Variants in KAZN observed in about 807,000 individuals in gnomAD.
KAZN encodes kazrin, periplakin interacting protein.
KAZN carries 40 observed loss-of-function variants against 87.4 expected under a neutral mutation model. The observed-to-expected ratio is 0.46, with a 90% CI of 0.36 to 0.60. The LOEUF (loss-of-function observed/expected upper bound fraction) is 0.60. KAZN is among the 20% of genes least tolerant of loss of function. The pLI, the probability that KAZN is intolerant of heterozygous loss-of-function variation, is 0.00. For synonymous variants in KAZN, 466 were observed against 458.3 expected, an observed-to-expected ratio of 1.02 and a Z score of -0.22; for missense variants, 898 against 1,073.9, an observed-to-expected ratio of 0.84 and a Z score of 2.29.
At chr1:14,519,539 C>T (rs72862061) in intron 2 of KAZN, among the ~76,000 whole-genome samples, 10,969 of 152,222 alleles carry the variant, frequency 0.072, 766 homozygotes, top group African/African-American at 0.18. Flanking sequence ...CCCAGTGGCA[C>T]AGATTGCCTT....
chr1:14,755,827 G>T (rs1392258790), intron 1 of KAZN, among the ~76,000 whole-genome samples: 1 of 152,178 alleles, frequency 6.6e-6, no homozygotes, highest in African/African-American at 2.4e-5. Flanking sequence ...ACATTCCGGG[G>T]AATTCACCCA....
intron 1 of KAZN, among the ~76,000 whole-genome samples, chr1:13,910,440 G>A (rs1171863063): frequency 2.0e-5 from 3 of 152,076 alleles, no homozygotes; most frequent in Admixed American, 6.5e-5. Context: ...CCAGGGAGTC[G>A]GAGGTTGCAG....
intron 13 of KAZN, among the ~76,000 whole-genome samples, chr1:15,109,695 G>A (rs1196638579): frequency 6.6e-6 from 1 of 151,836 alleles, no homozygotes; most frequent in East Asian, 1.9e-4. Context: ...GTATGTGTAT[G>A]TTTGTGTATG....
intron 2 of KAZN, among the ~76,000 whole-genome samples, chr1:14,430,238 A>G (rs1048134994): frequency 1.4e-5 from 2 of 146,816 alleles, no homozygotes; most frequent in African/African-American, 5.0e-5. Context: ...AAAACTCTTT[A>G]TCTTTGCCTA....
intron 2 of KAZN, among the ~76,000 whole-genome samples, chr1:14,476,928 C>G (rs996784647): frequency 5.3e-5 from 8 of 152,208 alleles, no homozygotes; most frequent in Admixed American, 3.3e-4. Flanking sequence ...ACCTCATGTT[C>G]CCTCTGCCTA....
intron 1 of KAZN, chr1:14,924,660 C>A (rs921625894): frequency 1.3e-6 from 1 of 765,974 alleles, no homozygotes; most frequent in Non-Finnish European, 1.6e-6. Flanking sequence ...CGCTCGGAGC[C>A]GGGATCGGGA....
chr1:14,570,074 C>T (rs1187933042), intron 2 of KAZN, among the ~76,000 whole-genome samples: 1 of 152,030 alleles, frequency 6.6e-6, no homozygotes, highest in Non-Finnish European at 1.5e-5. Context: ...GACTGCACCA[C>T]GGCACTCCAG....
At chr1:14,691,494 T>C (rs1641305875) in intron 1 of KAZN, among the ~76,000 whole-genome samples, 1 of 152,190 alleles carries the variant, frequency 6.6e-6, no homozygotes, top group Admixed American at 6.5e-5. Flanking sequence ...TTTTTTTGTT[T>C]GTTTGTTTTT....
intron 2 of KAZN, among the ~76,000 whole-genome samples, chr1:14,395,896 A>T (rs529623883): frequency 6.6e-6 from 1 of 152,198 alleles, no homozygotes; most frequent in South Asian, 2.1e-4. Flanking sequence ...AAGTGGGGCT[A>T]GGTGGCTCAT....
intron 1 of KAZN, among the ~76,000 whole-genome samples, chr1:14,106,086 T>C (rs1003533314): frequency 1.3e-5 from 2 of 152,126 alleles, no homozygotes; most frequent in African/African-American, 4.8e-5. Flanking sequence ...ATTGGAAAAC[T>C]AGGGGGAGAA....
intron 1 of KAZN, among the ~76,000 whole-genome samples, chr1:13,908,104 T>C (rs567026062): frequency 9.4e-4 from 143 of 152,386 alleles, no homozygotes; most frequent in African/African-American, 3.3e-3. Context: ...AGCCACATTG[T>C]GGCAGTCCAT....
intron 1 of KAZN, among the ~76,000 whole-genome samples, chr1:14,809,181 T>C (rs932882025): frequency 6.6e-6 from 1 of 152,210 alleles, no homozygotes; most frequent in African/African-American, 2.4e-5. Flanking sequence ...GTCTTGGGGC[T>C]GAGCACATTA....
At chr1:14,704,927 T>C (rs6691693) in intron 1 of KAZN, among the ~76,000 whole-genome samples, 104,267 of 152,170 alleles carry the variant, frequency 0.69, 36,066 homozygotes, top group East Asian at 0.8. Context: ...TTCCTTGGTT[T>C]TCCTTCTAGG....
chr1:14,679,640 C>G (rs1640450881), intron 1 of KAZN, among the ~76,000 whole-genome samples: 1 of 152,250 alleles, frequency 6.6e-6, no homozygotes, highest in Admixed American at 6.5e-5. Context: ...CAATCAGGTG[C>G]CTTACGTGTT....
chr1:14,836,948 G>A (rs985584915), intron 1 of KAZN, among the ~76,000 whole-genome samples: 25 of 152,036 alleles, frequency 1.6e-4, no homozygotes, highest in Admixed American at 1.2e-3. Context: ...CCACTCCTCC[G>A]CCCCCAGGTA....
chr1:14,981,399 C>G (rs1666235719), intron 2 of KAZN, among the ~76,000 whole-genome samples: 1 of 152,188 alleles, frequency 6.6e-6, no homozygotes, highest in South Asian at 2.1e-4. Context: ...AACAGAACTC[C>G]CACTAGCTTA....
chr1:14,836,566 C>T (rs1012516498), intron 1 of KAZN, among the ~76,000 whole-genome samples: 14 of 152,170 alleles, frequency 9.2e-5, no homozygotes, highest in East Asian at 3.9e-4. Flanking sequence ...TCTGGGCCCA[C>T]GCCTCCTCTT....
chr1:14,501,433 AT>A (rs569405161), intron 2 of KAZN, among the ~76,000 whole-genome samples: 294 of 152,354 alleles, frequency 1.9e-3, no homozygotes, highest in African/African-American at 6.8e-3. Context: ...TACAAGATCA[AT>A]CTTGTATCTT....
At chr1:13,936,000 A>G (rs7555061) in intron 1 of KAZN, among the ~76,000 whole-genome samples, 114,637 of 148,846 alleles carry the variant, frequency 0.77, 44,378 homozygotes, top group South Asian at 0.92. Flanking sequence ...ATATCATTAC[A>G]TATCTGGTAT....
Sources: gnomAD v4.1 joint callset for allele counts (sites outside exome capture counted in the v4.1 genomes callset) on GRCh38, gnomAD v4.1.1 for gene constraint, MANE v1.5 for transcripts, NCBI Gene and HGNC (gene_info 2026-07-23, HGNC 2026-07-21) for gene names.